Variants in LUZP2 observed in about 807,000 individuals in gnomAD.
LUZP2 encodes the protein leucine zipper protein 2.
LUZP2 carries 52 observed loss-of-function variants against 51.6 expected under a neutral mutation model. That is an observed-to-expected ratio of 1.01 (90% CI 0.81 to 1.27). The LOEUF (loss-of-function observed/expected upper bound fraction) is 1.27. Among genes scored for constraint, LUZP2 ranks in the 50% most tolerant of loss-of-function variants. The probability of loss-of-function intolerance (pLI) is 0.00; values close to 1 mark genes in which losing one functional copy is unlikely to be tolerated. For missense variants in LUZP2, 436 were observed against 395.4 expected (o/e 1.10, Z -0.87); for synonymous variants, 154 against 137.3 (o/e 1.12, Z -0.85).
At chr11:24,519,801 C>T (rs1005135749) in intron 1 of LUZP2, among the ~76,000 whole-genome samples, 1 of 151,970 alleles carries the variant, frequency 6.6e-6, no homozygotes, top group Non-Finnish European at 1.5e-5. Flanking sequence ...TTAAAAAAGG[C>T]TTTTTTCAAA....
intron 1 of LUZP2, among the ~76,000 whole-genome samples, chr11:24,565,030 G>A (rs974992964): frequency 6.6e-5 from 10 of 152,198 alleles, no homozygotes; most frequent in African/African-American, 1.2e-4. Flanking sequence ...TGGGGACATC[G>A]TATCCACAAA....
In LUZP2 at chr11:24,873,491, A is replaced by G. The variant is rs932858763; in HGVS notation, c.397-32500A>G. 3.9e-5 allele frequency among the ~76,000 whole-genome samples: 6 copies of G among 152,274 alleles called. No individual in the cohort carries two copies. The South Asian group carries it at 6.2e-4, about 16-fold the overall frequency. On this transcript the variant is annotated intron_variant, in intron 5 of 11. Transcript: ENST00000336930. ...TGTTCGGAGCAGCCATTCGCTAAGT[A>G]TGACTTTCCTCCCTTTTTCCTTCAG... is the stretch of plus-strand genomic sequence containing the variant.
chr11:24,499,056 G>A (rs1849912480), intron 1 of LUZP2, among the ~76,000 whole-genome samples: 1 of 152,094 alleles, frequency 6.6e-6, no homozygotes, highest in South Asian at 2.1e-4. Context: ...TGTTGATTTT[G>A]ATAGGGATAA....
rs574590363 is a variant in LUZP2, at chr11:24,577,263, T to A, written c.62+79958T>A. Among the ~76,000 whole-genome samples, 8 of 152,300 alleles carry A rather than the reference T, an allele frequency of 5.3e-5. No homozygotes were observed. The East Asian group carries it at 7.7e-4, about 15-fold the overall frequency. On this transcript the variant is annotated intron_variant, in intron 1 of 11. Coordinates refer to ENST00000336930, the MANE Select transcript of LUZP2 (RefSeq NM_001009909.4). The stretch of plus-strand genomic sequence containing the variant: ...AATTCTTATATTACTCATATTTTTT[T>A]AAAATTATGACTTCATGAAAACTGT...
At chr11:24,901,368 A>G (rs1853275080) in intron 5 of LUZP2, among the ~76,000 whole-genome samples, 1 of 151,084 alleles carries the variant, frequency 6.6e-6, no homozygotes, top group African/African-American at 2.4e-5. Flanking sequence ...AATGAAAACT[A>G]AAAGTGAACT....
chr11:24,815,006 AT>A (rs57748971), intron 5 of LUZP2, among the ~76,000 whole-genome samples: 62,998 of 115,970 alleles, frequency 0.54, 15,827 homozygotes, highest in Middle Eastern at 0.67. Flanking sequence ...AAAAAAAAAA[AT>A]AAAAATAATC....
At chr11:24,695,043 T>G (rs893451717) in intron 1 of LUZP2, among the ~76,000 whole-genome samples, 2 of 151,972 alleles carry the variant, frequency 1.3e-5, no homozygotes, top group South Asian at 2.1e-4. Flanking sequence ...TGTATACCTA[T>G]GTAACAAACC....
At chr11:24,599,904 C>T (rs999695069) in intron 1 of LUZP2, among the ~76,000 whole-genome samples, 1 of 152,074 alleles carries the variant, frequency 6.6e-6, no homozygotes, top group Non-Finnish European at 1.5e-5. Flanking sequence ...CTTATTTTCA[C>T]ACATAAGCAT....
At chr11:24,625,160 ATAGTGAT>A (rs150384767) in intron 1 of LUZP2, among the ~76,000 whole-genome samples, 27,151 of 151,890 alleles carry the variant, frequency 0.18, 2,675 homozygotes, top group African/African-American at 0.26. Context: ...ATAGAGTGGA[ATAGTGAT>A]TTCCAGGGGT....
chr11:24,833,728 A>ACACACACTCT (rs1554918546), intron 5 of LUZP2, among the ~76,000 whole-genome samples: 1 of 151,318 alleles, frequency 6.6e-6, no homozygotes. Flanking sequence ...ACACACACAC[A>ACACACACTCT]CACTTGATTC....
intron 10 of LUZP2, among the ~76,000 whole-genome samples, chr11:25,076,228 A>G (rs937159724): frequency 6.6e-6 from 1 of 151,712 alleles, no homozygotes; most frequent in African/African-American, 2.4e-5. Flanking sequence ...TTGTTTTTGT[A>G]AAGAGAATGT....
intron 1 of LUZP2, among the ~76,000 whole-genome samples, chr11:24,658,909 T>A (rs1333562076): frequency 2.3e-4 from 35 of 152,182 alleles, no homozygotes; most frequent in East Asian, 7.7e-4. Context: ...ATCATTAAAA[T>A]GTCAGGAAAC....
intron 1 of LUZP2, among the ~76,000 whole-genome samples, chr11:24,522,054 T>C (rs574222288): frequency 8.5e-5 from 13 of 152,272 alleles, no homozygotes; most frequent in South Asian, 2.1e-4. Context: ...CGAGATTCTC[T>C]ACAAATAAAA....
At chr11:24,975,757 A>C (rs1359587086) in intron 7 of LUZP2, among the ~76,000 whole-genome samples, 1 of 152,014 alleles carries the variant, frequency 6.6e-6, no homozygotes, top group Admixed American at 6.6e-5. Context: ...ATGAATTCCA[A>C]ATCTGAAGGT....
At chr11:24,711,485 A>C (rs1857825800) in intron 1 of LUZP2, among the ~76,000 whole-genome samples, 1 of 138,456 alleles carries the variant, frequency 7.2e-6, no homozygotes, top group Admixed American at 7.2e-5. Context: ...AAATAAATAA[A>C]TAAATAAAGA....
At chr11:24,720,231 T>C (rs1015721379) in intron 1 of LUZP2, among the ~76,000 whole-genome samples, 1 of 145,080 alleles carries the variant, frequency 6.9e-6, no homozygotes, top group Admixed American at 6.9e-5. Context: ...TCACACAAAT[T>C]CTTTCAGATA....
At chr11:24,893,729 T>C (rs972506301) in intron 5 of LUZP2, among the ~76,000 whole-genome samples, 3 of 151,000 alleles carry the variant, frequency 2.0e-5, no homozygotes, top group Admixed American at 1.3e-4. Flanking sequence ...TTCATTTCCA[T>C]CCAATTTCAT....
At chr11:24,952,912 T>A (rs1855117502) in intron 7 of LUZP2, among the ~76,000 whole-genome samples, 1 of 151,880 alleles carries the variant, frequency 6.6e-6, no homozygotes, top group Non-Finnish European at 1.5e-5. Context: ...CCCATCTCTG[T>A]GGCCTCACAT....
intron 10 of LUZP2, among the ~76,000 whole-genome samples, chr11:25,050,723 G>A (rs1858483137): frequency 6.6e-6 from 1 of 151,974 alleles, no homozygotes. Context: ...GGCTAAGCAA[G>A]GTGCTCATTC....
Sources: allele counts gnomAD v4.1 joint callset (sites outside exome capture counted in the v4.1 genomes callset), GRCh38; gene constraint gnomAD v4.1.1; transcripts MANE v1.5; gene names NCBI Gene and HGNC (gene_info 2026-07-23, HGNC 2026-07-21).